The following MMP28 variants were observed in gnomAD, a reference collection of about 807,000 sequenced individuals.
MMP28 encodes the protein matrix metalloproteinase-28.
MMP28 carries 55 observed loss-of-function variants against 60.5 expected under a neutral mutation model. The observed-to-expected ratio is 0.91, with a 90% CI of 0.73 to 1.14. The LOEUF is 1.14. Among genes scored for constraint, MMP28 ranks in the 50% most tolerant of loss-of-function variants. MMP28 has a pLI of 0.00. For missense variants in MMP28, 686 were observed against 738.3 expected, an observed-to-expected ratio of 0.93 and a Z score of 0.82; for synonymous variants, 318 against 312.5, an observed-to-expected ratio of 1.02 and a Z score of -0.18.
At chr17:35,777,738 C>T (rs1034030394) in intron 3 of MMP28, among the ~76,000 whole-genome samples, 3 of 152,226 alleles carry the variant, frequency 2.0e-5, no homozygotes, top group Non-Finnish European at 4.4e-5. Flanking sequence ...TTAGTTAAAA[C>T]AATCAGGTTG....
Position 35,770,405 on chromosome 17 carries a change from C to T in MMP28, c.605-93G>A. 2.2e-6 allele frequency: 3 copies of T among 1,387,800 alleles called. No homozygotes were observed. In the African/African-American group the frequency reaches 4.4e-5, roughly 20 times the overall value. The allele number at this position is 1,387,800 out of a possible 1,614,324, so 86.0% of individuals were successfully genotyped here. ...GCAAATGCCACTGGGGTGTGTGTGGCTGTTCTCTGCTGTATAGTTTCCCTC... is the reference window on the plus strand; with the variant it reads ...GCAAATGCCACTGGGGTGTGTGTGGTTGTTCTCTGCTGTATAGTTTCCCTC... On this transcript the variant is annotated intron_variant, in intron 4 of 7. Coordinates refer to ENST00000605424, the MANE Select transcript of MMP28 (RefSeq NM_024302.5).
downstream of MMP28, chr17:35,764,626 C>T (rs1198832838): frequency 3.2e-6 from 5 of 1,566,476 alleles, no homozygotes; most frequent in South Asian, 1.2e-5. Context: ...TGAGCGCCCC[C>T]GCTCCCAGCC....
intron 3 of MMP28, among the ~76,000 whole-genome samples, chr17:35,776,954 A>G (rs776315067): frequency 6.6e-5 from 10 of 152,136 alleles, no homozygotes; most frequent in Non-Finnish European, 1.0e-4. Context: ...ACTCTATTAG[A>G]TCCTTCCTTT....
In MMP28 at chr17:35,767,142, C is replaced by T. The variant is rs1415557790; in HGVS notation, c.1169-248G>A. 13 of 695,310 alleles carry T rather than the reference C, an allele frequency of 1.9e-5. No homozygotes were observed. The Admixed American group carries it at 2.5e-4, about 13-fold the overall frequency. 43.1% of individuals were successfully genotyped at this position (695,310 alleles called of 1,614,324 possible). On this transcript the variant is annotated intron_variant, in intron 7 of 7. Transcript: ENST00000605424. ...GGGCAGATAGCCCCGAAAGGAAGGC[C>T]CAGAGCTTTCTCCACTGCCATCATT... is the stretch of plus-strand genomic sequence containing the variant.
intron 3 of MMP28, among the ~76,000 whole-genome samples, chr17:35,775,519 G>C (rs1187396391): frequency 6.6e-6 from 1 of 152,214 alleles, no homozygotes; most frequent in African/African-American, 2.4e-5. Flanking sequence ...CAGAACCCTG[G>C]AGTTCCGACT....
intron 1 of MMP28, among the ~76,000 whole-genome samples, chr17:35,779,785 G>C (rs1004321862): frequency 6.6e-6 from 1 of 152,112 alleles, no homozygotes; most frequent in Non-Finnish European, 1.5e-5. Flanking sequence ...GTGTGTGTGA[G>C]GACTAATCGC....
chr17:35,774,781 G>T (rs1555607158), intron 3 of MMP28, among the ~76,000 whole-genome samples: 1 of 152,162 alleles, frequency 6.6e-6, no homozygotes, highest in African/African-American at 2.4e-5. Flanking sequence ...GAGAGGGAAT[G>T]ACTCTAAGGA....
downstream of MMP28, chr17:35,764,811 C>T (rs2085903251): frequency 5.1e-6 from 3 of 588,334 alleles, no homozygotes; most frequent in Non-Finnish European, 8.3e-6. Context: ...TCACCTAGCG[C>T]CCCCAGTGCA....
chr17:35,784,693 T>C (rs1035328344), intron 1 of MMP28, among the ~76,000 whole-genome samples: 3 of 152,160 alleles, frequency 2.0e-5, no homozygotes, highest in African/African-American at 7.2e-5. Flanking sequence ...CTCCAGTTCT[T>C]ACCCCAGCTT....
chr17:35,770,120 C>A lies in MMP28; in HGVS notation c.797G>T (p.Gly266Val). The A allele has an allele frequency of 6.2e-7, 1 of 1,606,186 alleles. No individual in the cohort carries two copies. The highest frequency in any genetic ancestry group is 8.5e-7 in the Non-Finnish European group (1 of 1,177,036). Reference sequence around the variant, plus strand: ...GTCCCAGCTGAGCAGCGCGTCGCGGCCCAGCCTCTTGTAGTAGGGCGCCAT... The same window carrying A: ...GTCCCAGCTGAGCAGCGCGTCGCGGACCAGCCTCTTGTAGTAGGGCGCCAT... Reference protein sequence around the residue: ...ALMAPYYKRLGRDALLSWDDV... With the variant: ...ALMAPYYKRLVRDALLSWDDV... The change falls in exon 5 of 8, where the codon GGC becomes GTC. Residue 266 changes from glycine (G) to valine (V), a missense_variant. Transcript: ENST00000605424.
chr17:35,795,272 C>A lies in MMP28; in HGVS notation c.106G>T (p.Ala36Ser). Reference protein sequence around the residue: ...ERGGQELRKEAEAFLEKYGYL... With the variant: ...ERGGQELRKESEAFLEKYGYL... ...GCCAGGTACACACGGCGTACCTCCG[C>A]CTCCTTGCGCAGCTCCTGGCCTCCG... Residue 36 changes from alanine (A) to serine (S), a missense_variant, in exon 1 of 8, where the codon GCG becomes TCG. Transcript: ENST00000605424. The A allele has an allele frequency of 3.5e-6, 5 of 1,436,872 alleles. No homozygotes were observed. The highest frequency in any genetic ancestry group is 4.6e-6 in the Non-Finnish European group (5 of 1,093,498). 89.0% of individuals were successfully genotyped at this position (1,436,872 alleles called of 1,614,324 possible). A position where few individuals can be genotyped will look rare whatever the true frequency, so the allele number is the denominator to read the frequency against.
downstream of MMP28, among the ~76,000 whole-genome samples, chr17:35,761,512 C>T (rs2085820581): frequency 6.6e-6 from 1 of 152,060 alleles, no homozygotes; most frequent in South Asian, 2.1e-4. Flanking sequence ...CTCCCAGGCA[C>T]AAGTGATTCT....
At chr17:35,777,823 T>A (rs1555607976) in intron 3 of MMP28, among the ~76,000 whole-genome samples, 1 of 152,184 alleles carries the variant, frequency 6.6e-6, no homozygotes. Flanking sequence ...CCAAGGCGGG[T>A]TCGAGACCAG....
Position 35,789,836 on chromosome 17 carries a change from A to G in MMP28, c.111+5431T>C, listed in dbSNP as rs1201345188. On this transcript the variant is annotated intron_variant, in intron 1 of 7. Transcript: ENST00000605424. ...GAGTGCAGTGGCGCGATCTCGGCTC[A>G]CTGCAACCTCCGCCTCCTGGTTTCA... 3.3e-5 allele frequency among the ~76,000 whole-genome samples: 5 copies of G among 149,626 alleles called. No homozygotes were observed. In the East Asian group the frequency reaches 7.8e-4, roughly 23 times the overall value.
At chr17:35,771,746 TATATATATAA>T (rs1353883616) in intron 4 of MMP28, among the ~76,000 whole-genome samples, 11 of 89,728 alleles carry the variant, frequency 1.2e-4, no homozygotes, top group Admixed American at 3.8e-4. Flanking sequence ...TATATATATA[TATATATATAA>T]AATTGTGTTC....
downstream of MMP28, among the ~76,000 whole-genome samples, chr17:35,765,439 CAGGG>C (rs1423973196): frequency 6.6e-6 from 1 of 152,198 alleles, no homozygotes; most frequent in Admixed American, 6.5e-5. Context: ...AGGCAGAAGA[CAGGG>C]AGGCTGGGGA....
chr17:35,775,771 G>A (rs4796107), intron 3 of MMP28, among the ~76,000 whole-genome samples: 14,927 of 152,234 alleles, frequency 0.098, 900 homozygotes, highest in East Asian at 0.21. Context: ...TTTCCACCCC[G>A]GATACACCCT....
At chr17:35,793,749 C>T (rs1300969918) in intron 1 of MMP28, among the ~76,000 whole-genome samples, 4 of 152,146 alleles carry the variant, frequency 2.6e-5, no homozygotes, top group Non-Finnish European at 1.5e-5. Context: ...AGGAAAGAAG[C>T]TCTTAGAGGA....
intron 5 of MMP28, among the ~76,000 whole-genome samples, chr17:35,769,655 A>C (rs1372931789): frequency 6.7e-6 from 1 of 149,966 alleles, no homozygotes; most frequent in Non-Finnish European, 1.5e-5. Flanking sequence ...GGGGAGAGCT[A>C]GTGGCTGGGG....
Sources: allele counts gnomAD v4.1 joint callset (sites outside exome capture counted in the v4.1 genomes callset), GRCh38; gene constraint gnomAD v4.1.1; transcripts MANE v1.5; gene names NCBI Gene and HGNC (gene_info 2026-07-23, HGNC 2026-07-21).